CSMD3: variants seen among roughly 807,000 people sequenced by gnomAD.
The protein encoded by CSMD3 is CUB and Sushi multiple domains 3.
A neutral mutation model predicts 435.2 loss-of-function variants in CSMD3; 177 were observed. The ratio of observed to expected loss-of-function variants is 0.41; its 90% CI spans 0.36 to 0.46. CSMD3 has a LOEUF of 0.46. Among genes scored for constraint, CSMD3 ranks in the 20% least tolerant of loss-of-function variants. The pLI, the probability that CSMD3 is intolerant of heterozygous loss-of-function variation, is 0.34. For synonymous variants in CSMD3, 1,656 were observed against 1,520.5 expected (o/e 1.09, Z -2.07); for missense variants, 4,265 against 4,504.6 (o/e 0.95, Z 1.52).
intron 64 of CSMD3, among the ~76,000 whole-genome samples, chr8:112,245,872 A>C (rs1274098476): frequency 2.0e-5 from 3 of 152,176 alleles, no homozygotes; most frequent in Non-Finnish European, 4.4e-5. Context: ...GCAGTTAGTG[A>C]AATGTAATCC....
chr8:113,433,832 G>A (rs1473138757), intron 1 of CSMD3, among the ~76,000 whole-genome samples: 1 of 152,122 alleles, frequency 6.6e-6, no homozygotes, highest in Non-Finnish European at 1.5e-5. Context: ...ACACGCTGCA[G>A]CTGGAGGCAT....
intron 4 of CSMD3, among the ~76,000 whole-genome samples, chr8:113,126,234 G>A (rs1026106570): frequency 2.0e-5 from 3 of 151,712 alleles, no homozygotes; most frequent in African/African-American, 7.3e-5. Flanking sequence ...CCAAACCCAG[G>A]CAGTCCAGCT....
intron 3 of CSMD3, among the ~76,000 whole-genome samples, chr8:113,193,000 T>C (rs1286986092): frequency 6.6e-6 from 1 of 151,536 alleles, no homozygotes. Context: ...ATTGCTTTGT[T>C]AAGAGACCCA....
At chr8:113,380,495 T>C (rs1457893453) in intron 1 of CSMD3, among the ~76,000 whole-genome samples, 1 of 152,134 alleles carries the variant, frequency 6.6e-6, no homozygotes, top group Non-Finnish European at 1.5e-5. Flanking sequence ...CTACTGTAAA[T>C]GCCCTTTATT....
At chr8:112,883,282 A>G (rs1287987701) in intron 10 of CSMD3, among the ~76,000 whole-genome samples, 1 of 151,996 alleles carries the variant, frequency 6.6e-6, no homozygotes, top group Non-Finnish European at 1.5e-5. Context: ...AATAAATATG[A>G]GCTACTTCTG....
chr8:112,906,607 G>A (rs1318283166), intron 10 of CSMD3, among the ~76,000 whole-genome samples: 2 of 151,308 alleles, frequency 1.3e-5, no homozygotes, highest in African/African-American at 4.8e-5. Context: ...AAAATTACAC[G>A]GCAGCAACAC....
intron 11 of CSMD3, among the ~76,000 whole-genome samples, chr8:112,855,846 C>T (rs563434005): frequency 6.7e-6 from 1 of 148,942 alleles, no homozygotes; most frequent in Non-Finnish European, 1.5e-5. Flanking sequence ...AGATCTGTCC[C>T]TGAGGAGCTA....
intron 38 of CSMD3, among the ~76,000 whole-genome samples, chr8:112,366,697 C>T (rs1827814545): frequency 6.6e-6 from 1 of 152,156 alleles, no homozygotes; most frequent in Non-Finnish European, 1.5e-5. Context: ...CACACCCAGC[C>T]AGGCATTCAC....
At chr8:113,341,135 GTA>G (rs976743361) in intron 1 of CSMD3, among the ~76,000 whole-genome samples, 2 of 151,960 alleles carry the variant, frequency 1.3e-5, no homozygotes, top group African/African-American at 2.4e-5. Context: ...ACTTATACGT[GTA>G]TATATATGTA....
At chr8:113,064,040 T>C (rs2088737388) in intron 5 of CSMD3, among the ~76,000 whole-genome samples, 1 of 151,560 alleles carries the variant, frequency 6.6e-6, no homozygotes, top group African/African-American at 2.4e-5. Flanking sequence ...ATTAAAGGAC[T>C]CGCCTAAAAT....
At chr8:112,935,000 AT>A (rs1159101745) in intron 9 of CSMD3, among the ~76,000 whole-genome samples, 2 of 151,704 alleles carry the variant, frequency 1.3e-5, no homozygotes, top group African/African-American at 4.8e-5. Flanking sequence ...CAGGAAGCTT[AT>A]TTTCTAGGTT....
At chr8:112,308,666 T>C (rs1408873065) in intron 50 of CSMD3, among the ~76,000 whole-genome samples, 2 of 152,132 alleles carry the variant, frequency 1.3e-5, no homozygotes, top group African/African-American at 2.4e-5. Context: ...TAATATTTAA[T>C]TATATTCATG....
rs73348219 is a variant in CSMD3 at position 113,229,935 on chromosome 8, C to T, written c.514+48657G>A. 3.5e-3 allele frequency among the ~76,000 whole-genome samples: 536 copies of T among 151,586 alleles called. 2 individuals are homozygous for T. The highest frequency in any genetic ancestry group is 0.012 in the African/African-American group (499 of 41,440). On this transcript the variant is annotated intron_variant, in intron 3 of 70. Coordinates refer to ENST00000297405, the MANE Select transcript of CSMD3 (RefSeq NM_198123.2). ...CCTGTATTTTGGCCATTTGTCTAGA[C>T]CCCATACCACGTGAAGAAAGGGCTT...
At chr8:113,064,382 T>C (rs2088759178) in intron 5 of CSMD3, among the ~76,000 whole-genome samples, 1 of 152,086 alleles carries the variant, frequency 6.6e-6, no homozygotes, top group South Asian at 2.1e-4. Flanking sequence ...CTTTTCTATG[T>C]TTAATATATA....
chr8:112,719,316 C>T (rs1039522231), intron 13 of CSMD3, among the ~76,000 whole-genome samples: 1 of 151,972 alleles, frequency 6.6e-6, no homozygotes, highest in African/African-American at 2.4e-5. Context: ...ATAATATGCC[C>T]CCCAAAAAGG....
chr8:113,172,325 C>T lies in CSMD3; in HGVS notation c.709+1397G>A, dbSNP rs572086470. Among the ~76,000 whole-genome samples the T allele has an allele frequency of 6.6e-5, 10 of 152,196 alleles. No individual in the cohort carries two copies. The East Asian group carries it at 1.9e-3, about 29-fold the overall frequency. On this transcript the variant is annotated intron_variant, in intron 4 of 70. Coordinates refer to ENST00000297405, the MANE Select transcript of CSMD3 (RefSeq NM_198123.2). ...TTATAGTGAAATTTAAGTGATAATG[C>T]TTATAAATTTCATAGTATATTTATA...
intron 1 of CSMD3, among the ~76,000 whole-genome samples, chr8:113,330,510 G>A (rs1309243384): frequency 6.6e-6 from 1 of 151,804 alleles, no homozygotes; most frequent in Non-Finnish European, 1.5e-5. Context: ...TTAAATAACA[G>A]GTATTGCTAG....
At chr8:113,353,209 G>C (rs562333796) in intron 1 of CSMD3, among the ~76,000 whole-genome samples, 31 of 152,228 alleles carry the variant, frequency 2.0e-4, no homozygotes, top group African/African-American at 7.5e-4. Context: ...AAAGGACATA[G>C]GAGGAGTAGA....
intron 42 of CSMD3, among the ~76,000 whole-genome samples, chr8:112,339,034 C>T (rs1361685915): frequency 6.6e-6 from 1 of 151,986 alleles, no homozygotes; most frequent in African/African-American, 2.4e-5. Context: ...CTAACACCAA[C>T]TTCCTCAAAC....
Sources: allele counts gnomAD v4.1 joint callset (sites outside exome capture counted in the v4.1 genomes callset), GRCh38; gene constraint gnomAD v4.1.1; transcripts MANE v1.5; gene names NCBI Gene and HGNC (gene_info 2026-07-23, HGNC 2026-07-21).